Variants in GRM8 observed in about 807,000 individuals in gnomAD.
GRM8 encodes the protein glutamate metabotropic receptor 8.
A neutral mutation model predicts 87.2 loss-of-function variants in GRM8; 47 were observed. That is an observed-to-expected ratio of 0.54 (90% CI 0.43 to 0.69). The LOEUF (loss-of-function observed/expected upper bound fraction) is 0.69, where lower values mean the gene tolerates loss of function less well. GRM8 is among the 30% of genes least tolerant of loss of function. The probability of loss-of-function intolerance (pLI) is 0.00; values close to 1 mark genes in which losing one functional copy is unlikely to be tolerated. For synonymous variants in GRM8, 396 were observed against 404.5 expected (o/e 0.98, Z 0.25); for missense variants, 1,019 against 1,139.2 (o/e 0.89, Z 1.52).
intron 3 of GRM8, among the ~76,000 whole-genome samples, chr7:126,953,560 C>T (rs192627868): frequency 5.9e-5 from 9 of 152,180 alleles, no homozygotes; most frequent in Admixed American, 5.2e-4. Flanking sequence ...CATTTATTTG[C>T]TTTCACTTAT....
chr7:127,033,504 C>A (rs1039947251), intron 3 of GRM8, among the ~76,000 whole-genome samples: 11 of 152,166 alleles, frequency 7.2e-5, no homozygotes, highest in African/African-American at 2.6e-4. Flanking sequence ...ACCTGTACCA[C>A]TTCATTTAAA....
At chr7:126,548,230 G>A (rs1817385681) in intron 8 of GRM8, among the ~76,000 whole-genome samples, 1 of 151,918 alleles carries the variant, frequency 6.6e-6, no homozygotes, top group Non-Finnish European at 1.5e-5. Context: ...CGAGTTGATG[G>A]GTGAAGCAAA....
At chr7:127,151,533 G>C (rs2237794) in intron 2 of GRM8, among the ~76,000 whole-genome samples, 28,478 of 152,022 alleles carry the variant, frequency 0.19, 3,023 homozygotes, top group Non-Finnish European at 0.24. Flanking sequence ...CATCAACAAC[G>C]TTTTCTACAG....
At chr7:126,516,955 T>C (rs1369187259) in intron 9 of GRM8, among the ~76,000 whole-genome samples, 3 of 152,032 alleles carry the variant, frequency 2.0e-5, no homozygotes, top group South Asian at 2.1e-4. Flanking sequence ...GTGTGGAGAA[T>C]AGAAAAAAAA....
At chr7:126,443,256 C>A (rs145672743) in intron 10 of GRM8, among the ~76,000 whole-genome samples, 2 of 152,008 alleles carry the variant, frequency 1.3e-5, no homozygotes, top group Admixed American at 6.6e-5. Context: ...TAACTCCCCT[C>A]GCACTCTGTT....
intron 8 of GRM8, among the ~76,000 whole-genome samples, chr7:126,558,802 G>A (rs1793407606): frequency 6.6e-6 from 1 of 152,064 alleles, no homozygotes; most frequent in African/African-American, 2.4e-5. Flanking sequence ...GTACCTAAAT[G>A]GCCTGTACAA....
At chr7:126,655,649 C>G (rs1301835281) in intron 7 of GRM8, among the ~76,000 whole-genome samples, 27 of 152,132 alleles carry the variant, frequency 1.8e-4, no homozygotes, top group Admixed American at 1.7e-3. Context: ...ATGACATTTT[C>G]TTGGATATCT....
chr7:126,798,347 T>C (rs1229937546), intron 6 of GRM8, among the ~76,000 whole-genome samples: 4 of 152,024 alleles, frequency 2.6e-5, no homozygotes, highest in African/African-American at 7.2e-5. Flanking sequence ...CCAGATGAAA[T>C]AGTCCAGAAG....
At chr7:126,720,936 T>G (rs149799553) in intron 7 of GRM8, among the ~76,000 whole-genome samples, 1 of 152,310 alleles carries the variant, frequency 6.6e-6, no homozygotes, top group African/African-American at 2.4e-5. Flanking sequence ...TTTGCTGCCT[T>G]CCTTCACTTT....
At chr7:126,882,924 G>T (rs1261105301) in intron 6 of GRM8, among the ~76,000 whole-genome samples, 1 of 152,170 alleles carries the variant, frequency 6.6e-6, no homozygotes, top group African/African-American at 2.4e-5. Flanking sequence ...AGTTTTCAAA[G>T]GTCACAGGGA....
chr7:126,438,859 C>A lies in GRM8; in HGVS notation c.*260G>T. 2.9e-6 allele frequency: 1 copy of A among 350,514 alleles called. No individual in the cohort carries two copies. Among genetic ancestry groups the A allele is most frequent in the Non-Finnish European group, 5.2e-6 (1 of 193,102 alleles). The allele number at this position is 350,514 out of a possible 1,614,324, so 21.7% of individuals were successfully genotyped here. On this transcript the variant is annotated 3_prime_UTR_variant, in exon 11 of 11. Transcript: ENST00000339582. ...TTTTCACGAGCTAACATTAGTTTTC[C>A]TTTTGTGATTTGTTTTAACTGCTCA...
Position 126,707,691 on chromosome 7 carries a change from A to G in GRM8, c.1357+62174T>C, listed in dbSNP as rs555805821. On this transcript the variant is annotated intron_variant, in intron 7 of 10. Transcript: ENST00000339582. ...TTTTATAAATTACATTTGAAACACT[A>G]TCTACATGAGAAAGACATTTGCCCT... 1.1e-4 allele frequency among the ~76,000 whole-genome samples: 17 copies of G among 152,292 alleles called. No individual in the cohort carries two copies. In the South Asian group the frequency reaches 2.5e-3, roughly 22 times the overall value.
intron 6 of GRM8, among the ~76,000 whole-genome samples, chr7:126,859,472 T>C (rs1279561995): frequency 1.3e-5 from 2 of 152,188 alleles, no homozygotes; most frequent in African/African-American, 4.8e-5. Flanking sequence ...TTTTTGTGTA[T>C]GTGCAGTTCA....
intron 9 of GRM8, among the ~76,000 whole-genome samples, chr7:126,487,368 C>T (rs188962413): frequency 1.1e-4 from 16 of 152,010 alleles, no homozygotes; most frequent in Non-Finnish European, 2.2e-4. Context: ...TGGGCTCAAG[C>T]GGTCCCTGTT....
intron 8 of GRM8, among the ~76,000 whole-genome samples, chr7:126,569,510 G>C (rs1794518388): frequency 6.6e-6 from 1 of 152,148 alleles, no homozygotes; most frequent in Non-Finnish European, 1.5e-5. Context: ...CCACATCAGA[G>C]CTGCCAGTCA....
rs1193706098 is a variant in GRM8, at chr7:126,943,358, G to A, written c.728-38675C>T. ...GCAGCCAGGGACTGTGGGACACATGGCAGAGCCCTGATCTTGTGGGCACAG... is the reference window on the plus strand; with the variant it reads ...GCAGCCAGGGACTGTGGGACACATGACAGAGCCCTGATCTTGTGGGCACAG... On this transcript the variant is annotated intron_variant, in intron 3 of 10. Coordinates refer to ENST00000339582, the MANE Select transcript of GRM8 (RefSeq NM_000845.3). Among the ~76,000 whole-genome samples, 4 of 152,256 alleles carry A rather than the reference G, an allele frequency of 2.6e-5. No homozygotes were observed. In the East Asian group the frequency reaches 7.7e-4, roughly 29 times the overall value.
chr7:127,055,552 A>C (rs2132529658), intron 3 of GRM8, among the ~76,000 whole-genome samples: 1 of 152,300 alleles, frequency 6.6e-6, no homozygotes, highest in Middle Eastern at 3.4e-3. Context: ...ATAAATCCAT[A>C]ATCTACAAAT....
intron 7 of GRM8, among the ~76,000 whole-genome samples, chr7:126,751,624 CA>C: frequency 6.6e-6 from 1 of 152,214 alleles, no homozygotes; most frequent in South Asian, 2.1e-4. Flanking sequence ...AACATACACA[CA>C]AAAGAGGCAA....
intron 6 of GRM8, among the ~76,000 whole-genome samples, chr7:126,859,202 G>A (rs1797945585): frequency 6.6e-6 from 1 of 152,132 alleles, no homozygotes; most frequent in East Asian, 1.9e-4. Flanking sequence ...ACCACGACAG[G>A]TCGAGTACCT....
Sources: allele counts gnomAD v4.1 joint callset (sites outside exome capture counted in the v4.1 genomes callset), GRCh38; gene constraint gnomAD v4.1.1; transcripts MANE v1.5; gene names NCBI Gene and HGNC (gene_info 2026-07-23, HGNC 2026-07-21).